Variants in MTHFD2L observed in about 807,000 individuals in gnomAD.
The protein encoded by MTHFD2L is bifunctional methylenetetrahydrofolate dehydrogenase/cyclohydrolase 2, mitochondrial.
In MTHFD2L, 29 loss-of-function variants were observed where a neutral mutation model predicts 34.9. That is an observed-to-expected ratio of 0.83 (90% CI 0.62 to 1.13). The LOEUF (loss-of-function observed/expected upper bound fraction) is 1.13, where lower values mean the gene tolerates loss of function less well. Ranked by LOEUF, MTHFD2L falls within the 50% of genes most tolerant of loss-of-function variation. The probability of loss-of-function intolerance (pLI) is 0.00; values close to 1 mark genes in which losing one functional copy is unlikely to be tolerated. For synonymous variants in MTHFD2L, 167 were observed against 155.7 expected (o/e 1.07, Z -0.54); for missense variants, 481 against 446.5 (o/e 1.08, Z -0.70).
chr4:74,172,735 G>C (rs138583684), intron 1 of MTHFD2L, among the ~76,000 whole-genome samples: 169 of 152,284 alleles, frequency 1.1e-3, no homozygotes, highest in African/African-American at 3.8e-3. Flanking sequence ...AGTTTTTGAT[G>C]TGTGTATCCA....
chr4:74,140,261 C>T (rs765837067), intron 1 of MTHFD2L, among the ~76,000 whole-genome samples: 12 of 152,042 alleles, frequency 7.9e-5, no homozygotes, highest in East Asian at 1.9e-4. Context: ...GTCATGATTA[C>T]GCCACTACAC....
upstream of MTHFD2L, among the ~76,000 whole-genome samples, chr4:74,121,440 C>A (rs1448317159): frequency 6.6e-6 from 1 of 151,048 alleles, no homozygotes; most frequent in Non-Finnish European, 1.5e-5. Context: ...GCGACAGCAA[C>A]CACAATGAGA....
chr4:74,199,719 A>G, intron 3 of MTHFD2L, 75 bp from the exon 4 acceptor site: 1 of 1,270,098 alleles, frequency 7.9e-7, no homozygotes, highest in South Asian at 1.5e-5. Flanking sequence ...GTGGCTTTAG[A>G]TTCTCAGATT....
At chr4:74,223,401 G>A (rs572967924) in intron 5 of MTHFD2L, among the ~76,000 whole-genome samples, 1 of 152,080 alleles carries the variant, frequency 6.6e-6, no homozygotes, top group South Asian at 2.1e-4. Flanking sequence ...TCACTTATAA[G>A]TAGGAGCTAA....
intron 7 of MTHFD2L, among the ~76,000 whole-genome samples, chr4:74,292,066 C>T (rs776675728): frequency 3.0e-4 from 45 of 152,184 alleles, no homozygotes; most frequent in African/African-American, 9.4e-4. Context: ...CTGTTATTAA[C>T]GCTGTGATCA....
At chr4:74,200,000 T>C (rs1454811354) in intron 4 of MTHFD2L, 54 bp downstream of exon 4, 8 of 1,571,936 alleles carry the variant, frequency 5.1e-6, no homozygotes, top group Non-Finnish European at 7.0e-6. Flanking sequence ...GCTGAGCCTT[T>C]GTGCACTGAG....
intron 1 of MTHFD2L, among the ~76,000 whole-genome samples, chr4:74,150,757 G>GTGTATA (rs1384106247): frequency 1.3e-5 from 2 of 151,986 alleles, no homozygotes; most frequent in African/African-American, 4.8e-5. Context: ...AGGTATACAT[G>GTGTATA]TGTATATGTA....
At chr4:74,261,407 G>T (rs2110223189) in intron 6 of MTHFD2L, among the ~76,000 whole-genome samples, 1 of 151,930 alleles carries the variant, frequency 6.6e-6, no homozygotes, top group South Asian at 2.1e-4. Flanking sequence ...AAATTCATTG[G>T]AATAAAACTA....
intron 6 of MTHFD2L, among the ~76,000 whole-genome samples, chr4:74,237,784 T>C (rs964063205): frequency 2.0e-5 from 3 of 152,164 alleles, no homozygotes; most frequent in Non-Finnish European, 4.4e-5. Context: ...TAATATGGCA[T>C]TGCATCAGCA....
chr4:74,218,474 G>A (rs548313965), intron 5 of MTHFD2L, among the ~76,000 whole-genome samples: 5 of 152,188 alleles, frequency 3.3e-5, no homozygotes, highest in Middle Eastern at 3.4e-3. Context: ...TGCAAGTTTT[G>A]CAAGGGCGCG....
chr4:74,215,947 A>G (rs1737140375), intron 5 of MTHFD2L, among the ~76,000 whole-genome samples: 1 of 151,076 alleles, frequency 6.6e-6, no homozygotes, highest in Admixed American at 6.6e-5. Context: ...CACTAATTTT[A>G]TCCTGAGAGC....
intron 6 of MTHFD2L, among the ~76,000 whole-genome samples, chr4:74,230,770 G>T (rs1158581235): frequency 6.6e-6 from 1 of 152,114 alleles, no homozygotes; most frequent in African/African-American, 2.4e-5. Flanking sequence ...AAGCTAGCCA[G>T]TATCAATTCT....
chr4:74,226,160 G>A (rs554966231), intron 6 of MTHFD2L, among the ~76,000 whole-genome samples: 144 of 150,172 alleles, frequency 9.6e-4, no homozygotes, highest in African/African-American at 3.3e-3. Flanking sequence ...ATTTGTCAAC[G>A]TTTATTGGAT....
chr4:74,245,700 TC>T (rs1742335662), intron 6 of MTHFD2L, among the ~76,000 whole-genome samples: 1 of 152,134 alleles, frequency 6.6e-6, no homozygotes, highest in African/African-American at 2.4e-5. Flanking sequence ...ATTGTTCAGT[TC>T]CCATCTATGA....
intron 7 of MTHFD2L, among the ~76,000 whole-genome samples, chr4:74,294,830 A>G (rs1218042708): frequency 6.6e-6 from 1 of 152,074 alleles, no homozygotes; most frequent in African/African-American, 2.4e-5. Context: ...TGAAGCCAAT[A>G]ACATAGGGGG....
At chr4:74,294,052 G>T (rs1749330157) in intron 7 of MTHFD2L, among the ~76,000 whole-genome samples, 1 of 152,006 alleles carries the variant, frequency 6.6e-6, no homozygotes, top group Non-Finnish European at 1.5e-5. Context: ...ATAGCATTGT[G>T]GAGAACTGAC....
At chr4:74,234,339 A>G (rs1284108173) in intron 6 of MTHFD2L, among the ~76,000 whole-genome samples, 4 of 152,060 alleles carry the variant, frequency 2.6e-5, no homozygotes, top group African/African-American at 9.7e-5. Context: ...AGATGTGAAT[A>G]TTATGTATAT....
intron 5 of MTHFD2L, among the ~76,000 whole-genome samples, chr4:74,217,937 C>G (rs1737472517): frequency 6.6e-6 from 1 of 152,044 alleles, no homozygotes; most frequent in Admixed American, 6.6e-5. Flanking sequence ...TCTGTCTTCC[C>G]TGACACCTTC....
At chr4:74,239,244 C>A (rs1741326718) in intron 6 of MTHFD2L, among the ~76,000 whole-genome samples, 1 of 152,164 alleles carries the variant, frequency 6.6e-6, no homozygotes, top group South Asian at 2.1e-4. Context: ...GACAGAAAAC[C>A]AAACACTGCA....
Sources: allele counts gnomAD v4.1 joint callset (sites outside exome capture counted in the v4.1 genomes callset), GRCh38; gene constraint gnomAD v4.1.1; transcripts MANE v1.5; gene names NCBI Gene and HGNC (gene_info 2026-07-23, HGNC 2026-07-21).